The following IKBIP variants were observed in gnomAD, a reference collection of about 807,000 sequenced individuals.
IKBIP encodes inhibitor of nuclear factor kappa-B kinase-interacting protein.
Under a neutral mutation model 31.0 loss-of-function variants are expected in IKBIP, and 28 were observed. That is an observed-to-expected ratio of 0.90 (90% CI 0.67 to 1.24). The LOEUF (loss-of-function observed/expected upper bound fraction) is 1.24. IKBIP is among the 50% of genes most tolerant of loss of function. The probability of loss-of-function intolerance (pLI) is 0.00; values close to 1 mark genes in which losing one functional copy is unlikely to be tolerated. For synonymous variants in IKBIP, 164 were observed against 160.3 expected (o/e 1.02, Z -0.17); for missense variants, 453 against 441.9 (o/e 1.03, Z -0.23).
chr12:98,614,434 T>G (rs915804903), intron 2 of IKBIP: 15 of 738,586 alleles, frequency 2.0e-5, no homozygotes, highest in Non-Finnish European at 2.9e-5. Flanking sequence ...TAATTTTAAT[T>G]TTTTTTTTGA....
Position 98,625,968 on chromosome 12 carries a change from A to G in IKBIP, c.1096T>C (p.Tyr366His), listed in dbSNP as rs1299736815. Residue 366 changes from tyrosine (Y) to histidine (H), a missense_variant, in exon 3 of 3, where the codon TAT (tyrosine) becomes CAT (histidine). Coordinates refer to ENST00000299157, the MANE Select transcript of IKBIP (RefSeq NM_153687.4). Reference sequence around the variant, plus strand: ...CCAATTCCTTTATTTTCTATATTATATTCTTTTAAAGTTCCCTTTTCTCCT... The same window carrying G: ...CCAATTCCTTTATTTTCTATATTATGTTCTTTTAAAGTTCCCTTTTCTCCT... The part of the protein sequence containing the change: ...STGEKGTLKE[Y>H]NIENKGIGGD... The G allele has an allele frequency of 2.1e-6, 3 of 1,436,240 alleles. No individual in the cohort carries two copies. The highest frequency in any genetic ancestry group is 5.0e-5 in the Admixed American group (2 of 39,916). The allele number at this position is 1,436,240 out of a possible 1,614,324, so 89.0% of individuals were successfully genotyped here. A position where few individuals can be genotyped will look rare whatever the true frequency, so the allele number is the denominator to read the frequency against.
intron 1 of IKBIP, among the ~76,000 whole-genome samples, chr12:98,640,969 C>T (rs2097629869): frequency 6.6e-6 from 1 of 152,088 alleles, no homozygotes; most frequent in Non-Finnish European, 1.5e-5. Context: ...TACCATGTTG[C>T]CCAGGCTGGT....
In IKBIP at chr12:98,644,549, C is replaced by T. The variant is rs1405500162; in HGVS notation, c.153G>A (p.Ser51=). The change falls in exon 1 of 3, where the codon TCG becomes TCA. Residue 51 remains serine (S), a synonymous_variant. Coordinates refer to ENST00000299157, the MANE Select transcript of IKBIP (RefSeq NM_153687.4). ...ADPRTCLSLL[S]LGTCLGLAWF... ...AGGCCAGGCCCAGGCACGTCCCCAG[C>T]GACAGCAGGCTCAGGCACGTTCGGG... 5.6e-6 allele frequency: 9 copies of T among 1,605,814 alleles called. No homozygotes were observed. The highest frequency in any genetic ancestry group is 7.6e-6 in the Non-Finnish European group (9 of 1,176,926).
chr12:98,627,316 A>G (rs886162436), intron 2 of IKBIP, among the ~76,000 whole-genome samples: 2 of 151,876 alleles, frequency 1.3e-5, no homozygotes, highest in Non-Finnish European at 2.9e-5. Context: ...ACACAATCCT[A>G]GATATTTCAG....
chr12:98,619,263 C>T (rs545425832), downstream of IKBIP, among the ~76,000 whole-genome samples: 30 of 152,284 alleles, frequency 2.0e-4, no homozygotes, highest in East Asian at 3.5e-3. Flanking sequence ...AAGGACTAGA[C>T]GGCTACTTTA....
Position 98,626,171 on chromosome 12 carries a change from TC to T in IKBIP, c.892del (p.Glu298LysfsTer3), listed in dbSNP as rs2097614060. 1 of 1,613,800 alleles carries T rather than the reference TC, an allele frequency of 6.2e-7. No individual in the cohort carries two copies. The highest frequency in any genetic ancestry group is 8.5e-7 in the Non-Finnish European group (1 of 1,179,786). On this transcript the variant is annotated frameshift_variant, in exon 3 of 3. Transcript: ENST00000299157. LOFTEE classifies it high-confidence loss of function. ...QDLIETEKKM[E>X]DLTMQMFNME... Reference sequence around the variant, plus strand: ...ATTAAACATCTGCATAGTCAAGTCTTCCATTTTCTTTTCTGTTTCTATCAGA... The same window carrying T: ...ATTAAACATCTGCATAGTCAAGTCTTCATTTTCTTTTCTGTTTCTATCAGA...
At chr12:98,642,953 T>A (rs551381567) in intron 1 of IKBIP, among the ~76,000 whole-genome samples, 2 of 141,494 alleles carry the variant, frequency 1.4e-5, no homozygotes, top group South Asian at 2.1e-4. Flanking sequence ...GTGACAAAAT[T>A]TTGTTTGTTT....
At chr12:98,629,186 C>T (rs1226140444) in intron 2 of IKBIP, among the ~76,000 whole-genome samples, 1 of 152,168 alleles carries the variant, frequency 6.6e-6, no homozygotes, top group African/African-American at 2.4e-5. Flanking sequence ...AGGTCCACCC[C>T]AATCAAGACT....
chr12:98,627,115 C>T (rs1342099750), intron 2 of IKBIP, among the ~76,000 whole-genome samples: 1 of 151,752 alleles, frequency 6.6e-6, no homozygotes, highest in Admixed American at 6.6e-5. Flanking sequence ...ATTACAGGTA[C>T]GCGCCACTAT....
Position 98,613,843 on chromosome 12 carries a change from A to G in IKBIP, c.795T>C (p.Gly265=). 5 of 1,612,060 alleles carry G rather than the reference A, an allele frequency of 3.1e-6. No homozygotes were observed. In the South Asian group the frequency reaches 5.5e-5, roughly 18 times the overall value. Reference sequence around the variant, plus strand: ...CTGTCTTCAGAACTTTGGCTCTGTCACCTTCTAAGCTTAGAAATCTATCTG... The same window carrying G: ...CTGTCTTCAGAACTTTGGCTCTGTCGCCTTCTAAGCTTAGAAATCTATCTG... Residue 265 remains glycine (G), a synonymous_variant, in exon 3 of 3, where the codon GGT becomes GGC. Coordinates refer to the IKBIP transcript ENST00000342502.
intron 2 of IKBIP, among the ~76,000 whole-genome samples, chr12:98,628,862 G>A (rs759625155): frequency 6.6e-6 from 1 of 152,140 alleles, no homozygotes; most frequent in Non-Finnish European, 1.5e-5. Context: ...CTCTAAAGAG[G>A]AGTAAAGGAG....
At chr12:98,634,772 C>T (rs547128734) in intron 1 of IKBIP, among the ~76,000 whole-genome samples, 26 of 150,148 alleles carry the variant, frequency 1.7e-4, no homozygotes, top group East Asian at 7.8e-4. Context: ...TGCAGTGGCG[C>T]GATCTAGGCT....
exon 3 of IKBIP, chr12:98,613,665 T>C (rs1299596688): frequency 6.3e-7 from 1 of 1,594,016 alleles, no homozygotes; most frequent in Non-Finnish European, 8.6e-7. Flanking sequence ...TTAGATATTT[T>C]TTCACTTAAG....
At chr12:98,615,893 C>T (rs2097606004) in intron 2 of IKBIP, among the ~76,000 whole-genome samples, 1 of 151,886 alleles carries the variant, frequency 6.6e-6, no homozygotes, top group Non-Finnish European at 1.5e-5. Context: ...TATCATTCAT[C>T]TGTTGATTGA....
downstream of IKBIP, among the ~76,000 whole-genome samples, chr12:98,619,850 C>T (rs75671993): frequency 0.08 from 10,424 of 129,982 alleles, 541 homozygotes; most frequent in East Asian, 0.22. Flanking sequence ...CCAGTCTGGG[C>T]GACAGAACCA....
Position 98,630,376 on chromosome 12 carries a change from C to CAAA in IKBIP, c.298-3613_298-3611dup, listed in dbSNP as rs61623957. ...CCAGCCTGGGCAACAAGAGCCTGGG[C>CAAA]AAAAAAAAAAAAAAAAAAAAAAAAA... On this transcript the variant is annotated intron_variant, in intron 2 of 2. Coordinates refer to ENST00000299157, the MANE Select transcript of IKBIP (RefSeq NM_153687.4). Among the ~76,000 whole-genome samples, 9 of 41,300 alleles carry CAAA rather than the reference C, an allele frequency of 2.2e-4. 2 individuals carry two copies. Among genetic ancestry groups the CAAA allele is most frequent in the African/African-American group, 9.8e-4 (8 of 8,164 alleles). The allele number at this position is 41,300 out of a possible 152,430, so 27.1% of individuals were successfully genotyped here. A position where few individuals can be genotyped will look rare whatever the true frequency, so the allele number is the denominator to read the frequency against.
Position 98,625,927 on chromosome 12 carries a change from A to C in IKBIP, c.*3T>G, listed in dbSNP as rs182160438. On this transcript the variant is annotated 3_prime_UTR_variant, in exon 3 of 3. Transcript: ENST00000299157. ...ATGGTTCATCAGAATAAATGTCATGAATTTAAAAATCACCACCAATTCCTT... is the reference window on the plus strand; with the variant it reads ...ATGGTTCATCAGAATAAATGTCATGCATTTAAAAATCACCACCAATTCCTT... The C allele has an allele frequency of 7.1e-6, 10 of 1,400,596 alleles. No homozygotes were observed. In the Admixed American group the frequency reaches 2.1e-4, roughly 29 times the overall value. The allele number at this position is 1,400,596 out of a possible 1,614,324, so 86.8% of individuals were successfully genotyped here. A position where few individuals can be genotyped will look rare whatever the true frequency, so the allele number is the denominator to read the frequency against.
At chr12:98,639,599 T>C (rs1388783590) in intron 1 of IKBIP, among the ~76,000 whole-genome samples, 1 of 152,228 alleles carries the variant, frequency 6.6e-6, no homozygotes, top group Admixed American at 6.5e-5. Context: ...GGTCCTGTGA[T>C]AATGAATGGT....
chr12:98,636,488 A>T (rs2097625835), intron 1 of IKBIP, among the ~76,000 whole-genome samples: 1 of 152,248 alleles, frequency 6.6e-6, no homozygotes, highest in African/African-American at 2.4e-5. Flanking sequence ...CAAAAGTGGT[A>T]ATGCTTTGAA....
Sources: gnomAD v4.1 joint callset for allele counts (sites outside exome capture counted in the v4.1 genomes callset) on GRCh38, gnomAD v4.1.1 for gene constraint, MANE v1.5 for transcripts, NCBI Gene and HGNC (gene_info 2026-07-23, HGNC 2026-07-21) for gene names.